ATP7A: variants seen among roughly 807,000 people sequenced by gnomAD.
The protein encoded by ATP7A is copper-transporting ATPase 1.
A neutral mutation model predicts 83.5 loss-of-function variants in ATP7A; 7 were observed. That is an observed-to-expected ratio of 0.08 (90% CI 0.05 to 0.16). The LOEUF is 0.16. ATP7A is among the 10% of genes least tolerant of loss of function. The probability of loss-of-function intolerance (pLI) is 1.00; values close to 1 mark genes in which losing one functional copy is unlikely to be tolerated. For synonymous variants in ATP7A, 354 were observed against 395.2 expected, an observed-to-expected ratio of 0.90 and a Z score of 1.24; for missense variants, 940 against 1,120.8, an observed-to-expected ratio of 0.84 and a Z score of 2.30.
chrX:77,948,482 C>A (rs782291406), intron 1 of ATP7A, among the ~76,000 whole-genome samples: 1 of 112,151 alleles, frequency 8.9e-6, no homozygotes, highest in Admixed American at 9.5e-5. Context: ...TTTGCTATAG[C>A]CCATACATAT....
intron 1 of ATP7A, among the ~76,000 whole-genome samples, chrX:77,941,844 A>G (rs1281884882): frequency 1.8e-5 from 2 of 112,052 alleles, no homozygotes; most frequent in East Asian, 5.6e-4. Context: ...TTATTAGACA[A>G]TTTAAAGCTT....
intron 17 of ATP7A, 33 bp from the exon 18 acceptor site, chrX:78,038,803 C>G (rs2078029732): frequency 8.3e-7 from 1 of 1,203,720 alleles, no homozygotes; most frequent in East Asian, 3.0e-5. Flanking sequence ...ATTAATTGAA[C>G]TTACTAAATG....
In ATP7A at chrX:78,047,686, C is replaced by G. The variant is rs1557239339; in HGVS notation, c.*1116C>G. On this transcript the variant is annotated 3_prime_UTR_variant, in exon 23 of 23. Coordinates refer to ENST00000341514, the MANE Select transcript of ATP7A (RefSeq NM_000052.7). ...CGGATTCAAGGAATTCTCCCTGCCT[C>G]AGCCTCCTGAGTAGCTAGGATTACA... 1 of 111,011 alleles carries G rather than the reference C, an allele frequency of 9.0e-6. No individual in the cohort carries two copies. The highest frequency in any genetic ancestry group is 1.9e-5 in the Non-Finnish European group (1 of 53,075). The allele number at this position is 111,011 out of a possible 1,213,427, so 9.1% of individuals were successfully genotyped here.
chrX:77,921,480 T>C (rs1295765920), intron 1 of ATP7A, among the ~76,000 whole-genome samples: 1 of 112,487 alleles, frequency 8.9e-6, no homozygotes, highest in Admixed American at 9.5e-5. Flanking sequence ...ATTTCAAATC[T>C]GTCACTTACT....
In ATP7A at chrX:77,989,466, A is replaced by G. The variant is rs782237314; in HGVS notation, c.844A>G (p.Ile282Val). 58 of 1,210,331 alleles carry G rather than the reference A, an allele frequency of 4.8e-5. No homozygotes were observed. In the Middle Eastern group the frequency reaches 9.1e-4, roughly 19 times the overall value. ...TACCAATGATTCAACAGCCACTTTCATCATTGATGGCATGCATTGTAAATC... is the reference window on the plus strand; with the variant it reads ...TACCAATGATTCAACAGCCACTTTCGTCATTGATGGCATGCATTGTAAATC... Reference protein sequence around the residue: ...SYTNDSTATFIIDGMHCKSCV... With the variant: ...SYTNDSTATFVIDGMHCKSCV... Residue 282 changes from isoleucine to valine, a missense_variant, in exon 4 of 23, where the codon ATC (isoleucine) becomes GTC (valine). Ile to Val is a conservative substitution (Grantham distance 29). Transcript: ENST00000341514.
intron 2 of ATP7A, among the ~76,000 whole-genome samples, chrX:77,982,719 T>A (rs1419587954): frequency 8.9e-6 from 1 of 112,063 alleles, no homozygotes; most frequent in Non-Finnish European, 1.9e-5. Flanking sequence ...ATGTAAAGAG[T>A]GTAGACTTTG....
chrX:78,021,633 A>T, intron 14 of ATP7A, among the ~76,000 whole-genome samples: 1 of 111,911 alleles, frequency 8.9e-6, no homozygotes, highest in Admixed American at 9.5e-5. Flanking sequence ...GGTAAAGCAG[A>T]ACTGGACTGT....
At chrX:77,966,914 C>A (rs1417740073) in intron 1 of ATP7A, 3 of 300,196 alleles carry the variant, frequency 1.0e-5, no homozygotes, top group Non-Finnish European at 2.0e-5. Flanking sequence ...CCCCTCACCC[C>A]CCAGCAGGCT....
intron 1 of ATP7A, among the ~76,000 whole-genome samples, chrX:77,945,776 C>G (rs1175726896): frequency 9.0e-6 from 1 of 111,122 alleles, no homozygotes; most frequent in African/African-American, 3.3e-5. Context: ...TCTAAGGTTA[C>G]AAGTTTTTTT....
chrX:78,024,179 G>A (rs782421880), intron 14 of ATP7A, among the ~76,000 whole-genome samples: 38 of 111,665 alleles, frequency 3.4e-4, no homozygotes, highest in Admixed American at 1.5e-3. Context: ...TCAATACCAC[G>A]CTGTTTTGAT....
chrX:77,981,970 T>A lies in ATP7A; in HGVS notation c.121-6272T>A, dbSNP rs782269970. ...TTGATGGCTTCCTCTTACAATATTT[T>A]AATTTTCAATATTCTATATTGAAGC... On this transcript the variant is annotated intron_variant, in intron 2 of 22. Transcript: ENST00000341514. Among the ~76,000 whole-genome samples, 17 of 111,610 alleles carry A rather than the reference T, an allele frequency of 1.5e-4. 1 individual carries two copies. The highest frequency in any genetic ancestry group is 1.3e-4 in the Non-Finnish European group (7 of 53,120).
At chrX:77,927,244 C>CT (rs1436583933) in intron 1 of ATP7A, among the ~76,000 whole-genome samples, 1 of 109,975 alleles carries the variant, frequency 9.1e-6, no homozygotes, top group East Asian at 2.9e-4. Context: ...TCATTTCTTT[C>CT]TTTTTTTTTC....
intron 1 of ATP7A, among the ~76,000 whole-genome samples, chrX:77,956,750 T>TCTTTCTTG (rs1557227417): frequency 1.0e-5 from 1 of 98,960 alleles, no homozygotes. Context: ...TTTCTTTCTT[T>TCTTTCTTG]CTTTCTTTCT....
intron 2 of ATP7A, among the ~76,000 whole-genome samples, chrX:77,972,328 AC>A (rs782367827): frequency 1.2e-4 from 13 of 110,243 alleles, no homozygotes; most frequent in African/African-American, 4.3e-4. Flanking sequence ...AGTACCTAGG[AC>A]CACAGGCGTG....
chrX:78,009,143 G>A lies in ATP7A; in HGVS notation c.1749G>A (p.Glu583=), dbSNP rs375479026. 7.4e-6 allele frequency: 9 copies of A among 1,208,368 alleles called. No individual in the cohort carries two copies. The highest frequency in any genetic ancestry group is 8.9e-6 in the Non-Finnish European group (8 of 894,389). Residue 583 remains glutamate (E), a synonymous_variant, in exon 7 of 23, where the codon GAG becomes GAA. Transcript: ENST00000341514. ...MTCASCVHKI[E]SSLTKHRGIL... is the part of the protein sequence containing the mutation. ...GTGCCTCCTGCGTACATAAAATAGA[G>A]TCTAGTCTCACAAAACACAGAGGGA...
intron 2 of ATP7A, among the ~76,000 whole-genome samples, chrX:77,973,710 A>G (rs2077561302): frequency 8.9e-6 from 1 of 111,809 alleles, no homozygotes; most frequent in South Asian, 3.6e-4. Context: ...TTTACTTTCC[A>G]TATAAATTTT....
At chrX:77,998,296 T>C (rs2077716928) in intron 4 of ATP7A, among the ~76,000 whole-genome samples, 182 bp from the exon 5 acceptor site, 1 of 111,722 alleles carries the variant, frequency 9.0e-6, no homozygotes, top group Non-Finnish European at 1.9e-5. Flanking sequence ...ATGGGAAGTA[T>C]TGAAATTGGA....
chrX:77,941,664 G>A (rs781922292), intron 1 of ATP7A, among the ~76,000 whole-genome samples: 2 of 111,733 alleles, frequency 1.8e-5, no homozygotes, highest in Non-Finnish European at 3.8e-5. Flanking sequence ...GCATTACAGA[G>A]GCTTTAAAAT....
At chrX:78,038,007 A>C (rs1603390461) in intron 17 of ATP7A, among the ~76,000 whole-genome samples, 2 of 28,537 alleles carry the variant, frequency 7.0e-5, no homozygotes, top group African/African-American at 5.6e-4. Flanking sequence ...TTTTTTTTTT[A>C]AGATAGGACA....
Sources: gnomAD v4.1 joint callset for allele counts (sites outside exome capture counted in the v4.1 genomes callset) on GRCh38, gnomAD v4.1.1 for gene constraint, MANE v1.5 for transcripts, NCBI Gene and HGNC (gene_info 2026-07-23, HGNC 2026-07-21) for gene names.